Variants in GRM7 observed in about 807,000 individuals in gnomAD.
The protein encoded by GRM7 is metabotropic glutamate receptor 7.
A neutral mutation model predicts 84.5 loss-of-function variants in GRM7; 35 were observed. The observed-to-expected ratio is 0.41, with a 90% CI of 0.32 to 0.55. The LOEUF (loss-of-function observed/expected upper bound fraction) is 0.55. GRM7 is among the 20% of genes least tolerant of loss of function. The probability of loss-of-function intolerance (pLI) is 0.19; values close to 1 mark genes in which losing one functional copy is unlikely to be tolerated. For synonymous variants in GRM7, 487 were observed against 455.1 expected, an observed-to-expected ratio of 1.07 and a Z score of -0.89; for missense variants, 1,003 against 1,194.6, an observed-to-expected ratio of 0.84 and a Z score of 2.36.
intron 2 of GRM7, among the ~76,000 whole-genome samples, chr3:7,212,498 A>AT (rs1696464382): frequency 6.6e-6 from 1 of 152,218 alleles, no homozygotes; most frequent in Non-Finnish European, 1.5e-5. Context: ...AATCACAAAA[A>AT]ATATATAGTT....
At chr3:7,665,455 G>A (rs930135093) in intron 8 of GRM7, among the ~76,000 whole-genome samples, 1 of 152,038 alleles carries the variant, frequency 6.6e-6, no homozygotes, top group African/African-American at 2.4e-5. Flanking sequence ...GATTACAAGC[G>A]TGAGCCACCG....
intron 8 of GRM7, among the ~76,000 whole-genome samples, chr3:7,606,494 C>T (rs1696578718): frequency 1.3e-5 from 2 of 152,186 alleles, no homozygotes; most frequent in East Asian, 1.9e-4. Context: ...AATTGTGGAA[C>T]ACCTTATCTG....
intron 1 of GRM7, among the ~76,000 whole-genome samples, chr3:7,092,526 G>C (rs9836498): frequency 0.11 from 16,974 of 151,654 alleles, 2,379 homozygotes; most frequent in African/African-American, 0.32. Context: ...CTTACTGACA[G>C]TGAGTATTCA....
At chr3:7,456,521 G>C (rs572369854) in intron 6 of GRM7, among the ~76,000 whole-genome samples, 2 of 123,386 alleles carry the variant, frequency 1.6e-5, no homozygotes, top group Middle Eastern at 4.7e-3. Context: ...AATCCATACA[G>C]CTAGGTAGCG....
intron 1 of GRM7, among the ~76,000 whole-genome samples, chr3:6,902,763 T>C (rs1236251345): frequency 6.6e-6 from 1 of 151,964 alleles, no homozygotes; most frequent in East Asian, 1.9e-4. Flanking sequence ...GACCTTCAAT[T>C]TGACTTGCTC....
intron 7 of GRM7, among the ~76,000 whole-genome samples, chr3:7,510,440 G>C (rs1700164636): frequency 6.6e-6 from 1 of 152,200 alleles, no homozygotes; most frequent in Admixed American, 6.5e-5. Context: ...ACAGTCCCCT[G>C]AGTATAAAAG....
intron 8 of GRM7, among the ~76,000 whole-genome samples, chr3:7,661,444 T>C (rs373921711): frequency 2.6e-5 from 4 of 152,128 alleles, no homozygotes; most frequent in African/African-American, 9.7e-5. Flanking sequence ...AGATTGACCA[T>C]ATCAAATGTT....
intron 7 of GRM7, among the ~76,000 whole-genome samples, chr3:7,495,532 G>T (rs1296218871): frequency 6.6e-6 from 1 of 152,090 alleles, no homozygotes; most frequent in Non-Finnish European, 1.5e-5. Context: ...TCTTGCTACA[G>T]CTGGGTCTCT....
chr3:7,309,137 C>G (rs1314104973), intron 4 of GRM7, among the ~76,000 whole-genome samples: 1 of 152,122 alleles, frequency 6.6e-6, no homozygotes, highest in African/African-American at 2.4e-5. Flanking sequence ...TCCATCTAGC[C>G]ATATTGCCTA....
intron 8 of GRM7, among the ~76,000 whole-genome samples, chr3:7,621,457 A>T (rs1302782195): frequency 6.6e-6 from 1 of 152,132 alleles, no homozygotes; most frequent in African/African-American, 2.4e-5. Context: ...AGAATTATGG[A>T]TGAAATTAGC....
intron 9 of GRM7, among the ~76,000 whole-genome samples, chr3:7,694,938 G>A (rs973912746): frequency 1.3e-5 from 2 of 152,164 alleles, no homozygotes; most frequent in African/African-American, 2.4e-5. Context: ...CAGTGATTCT[G>A]ATGCACATCC....
At chr3:7,350,334 T>A (rs1186391164) in intron 4 of GRM7, among the ~76,000 whole-genome samples, 1 of 152,076 alleles carries the variant, frequency 6.6e-6, no homozygotes, top group Admixed American at 6.6e-5. Flanking sequence ...TGGATCATGA[T>A]GGTGGTTTCT....
chr3:7,620,497 T>C (rs983607651), intron 8 of GRM7, among the ~76,000 whole-genome samples: 2 of 152,146 alleles, frequency 1.3e-5, no homozygotes, highest in Non-Finnish European at 2.9e-5. Context: ...AAAGCTACAC[T>C]GAGGAGAGTG....
chr3:7,110,572 G>C (rs1692810721), intron 1 of GRM7, among the ~76,000 whole-genome samples: 1 of 149,570 alleles, frequency 6.7e-6, no homozygotes, highest in Non-Finnish European at 1.5e-5. Context: ...TCCAACCTGG[G>C]CAAGAGAGCG....
At chr3:7,240,975 G>A (rs953733217) in intron 2 of GRM7, among the ~76,000 whole-genome samples, 1 of 152,146 alleles carries the variant, frequency 6.6e-6, no homozygotes, top group African/African-American at 2.4e-5. Context: ...GCTATACCAT[G>A]TAGCCTATGT....
At chr3:7,149,680 T>G (rs909502404) in intron 2 of GRM7, among the ~76,000 whole-genome samples, 7 of 152,150 alleles carry the variant, frequency 4.6e-5, no homozygotes, top group African/African-American at 1.7e-4. Flanking sequence ...ACTCCATCAC[T>G]CTCTTATTTT....
chr3:7,481,228 G>A (rs181765316), intron 7 of GRM7, among the ~76,000 whole-genome samples: 6 of 151,976 alleles, frequency 3.9e-5, no homozygotes, highest in African/African-American at 9.7e-5. Flanking sequence ...ACAGGCATGC[G>A]CCACCATGCT....
chr3:7,540,487 A>G (rs1182130354), intron 7 of GRM7, among the ~76,000 whole-genome samples: 1 of 152,212 alleles, frequency 6.6e-6, no homozygotes, highest in Admixed American at 6.5e-5. Flanking sequence ...CCCAAAAAAC[A>G]TATATGAATT....
chr3:7,007,619 C>T (rs1459002958), intron 1 of GRM7, among the ~76,000 whole-genome samples: 1 of 152,238 alleles, frequency 6.6e-6, no homozygotes, highest in African/African-American at 2.4e-5. Context: ...TCTCAGTTGC[C>T]AACTCCTGTC....
Sources: allele counts gnomAD v4.1 joint callset (sites outside exome capture counted in the v4.1 genomes callset), GRCh38; gene constraint gnomAD v4.1.1; transcripts MANE v1.5; gene names NCBI Gene and HGNC (gene_info 2026-07-23, HGNC 2026-07-21).